Variants in NCAPD2 observed in about 807,000 individuals in gnomAD.
NCAPD2 encodes the protein non-SMC condensin I complex subunit D2.
Under a neutral mutation model 164.5 loss-of-function variants are expected in NCAPD2, and 100 were observed. The observed-to-expected ratio is 0.61, with a 90% CI of 0.52 to 0.72. The LOEUF (loss-of-function observed/expected upper bound fraction) is 0.72. NCAPD2 is among the 30% of genes least tolerant of loss of function. The pLI, the probability that NCAPD2 is intolerant of heterozygous loss-of-function variation, is 0.00. For missense variants in NCAPD2, 1,560 were observed against 1,749.2 expected, an observed-to-expected ratio of 0.89 and a Z score of 1.93; for synonymous variants, 585 against 642.6, an observed-to-expected ratio of 0.91 and a Z score of 1.36.
intron 22 of NCAPD2, among the ~76,000 whole-genome samples, chr12:6,527,462 C>T (rs1288096210): frequency 1.3e-5 from 2 of 152,204 alleles, no homozygotes; most frequent in Non-Finnish European, 2.9e-5. Context: ...AGCCTTGCAG[C>T]GCTGGAGAAA....
At chr12:6,530,001 T>G in intron 29 of NCAPD2, 43 bp downstream of exon 29, 1 of 1,578,120 alleles carries the variant, frequency 6.3e-7, no homozygotes, top group Non-Finnish European at 8.6e-7. Flanking sequence ...GGTTCTGGGC[T>G]GGCTAAGACA....
intron 6 of NCAPD2, among the ~76,000 whole-genome samples, chr12:6,513,129 T>G (rs1441589634): frequency 6.6e-6 from 1 of 152,164 alleles, no homozygotes; most frequent in Non-Finnish European, 1.5e-5. Context: ...GAGCTAGAGA[T>G]AACACATTTG....
intron 6 of NCAPD2, among the ~76,000 whole-genome samples, chr12:6,512,128 C>T (rs1319922411): frequency 1.3e-5 from 2 of 151,432 alleles, no homozygotes; most frequent in South Asian, 2.1e-4. Flanking sequence ...AAAAATTAGC[C>T]GGGCATGGTG....
At chr12:6,521,181 C>A in intron 14 of NCAPD2, 71 bp downstream of exon 14, 1 of 1,551,032 alleles carries the variant, frequency 6.4e-7, no homozygotes, top group Non-Finnish European at 8.8e-7. Flanking sequence ...TAACTTTATG[C>A]CATCATTGGC....
chr12:6,501,356 T>G (rs1282082448), intron 2 of NCAPD2, among the ~76,000 whole-genome samples: 1 of 151,598 alleles, frequency 6.6e-6, no homozygotes, highest in African/African-American at 2.4e-5. Flanking sequence ...CCTGGCTAAT[T>G]TTTGTATTTT....
chr12:6,510,671 A>T lies in NCAPD2; in HGVS notation c.305A>T (p.Asp102Val). 1 of 1,614,198 alleles carries T rather than the reference A, an allele frequency of 6.2e-7. No homozygotes were observed. Among genetic ancestry groups the T allele is most frequent in the Non-Finnish European group, 8.5e-7 (1 of 1,180,028 alleles). Residue 102 changes from aspartate (D) to valine (V), a missense_variant, in exon 5 of 32, where the codon GAT (aspartate) becomes GTT (valine). Coordinates refer to ENST00000315579, the MANE Select transcript of NCAPD2 (RefSeq NM_014865.4). Reference sequence around the variant, plus strand: ...CAGGAGCTTCCAGCTATCCTGGATGATACAACTTTGAGTGGATCAGATAGA... The same window carrying T: ...CAGGAGCTTCCAGCTATCCTGGATGTTACAACTTTGAGTGGATCAGATAGA... ...HSQELPAILD[D>V]TTLSGSDRNA... is the part of the protein sequence containing the mutation.
chr12:6,512,145 G>C (rs1294972199), intron 6 of NCAPD2, among the ~76,000 whole-genome samples: 1 of 151,746 alleles, frequency 6.6e-6, no homozygotes, highest in Non-Finnish European at 1.5e-5. Context: ...GGTGGCGGGC[G>C]CCTCTAGTCC....
In NCAPD2 at chr12:6,517,978, T is replaced by C; in HGVS notation, c.1589+19T>C. The C allele has an allele frequency of 1.2e-6, 2 of 1,608,986 alleles. No homozygotes were observed. On this transcript the variant is annotated intron_variant, in intron 13 of 31. Transcript: ENST00000315579. ...GTTACAAGTAGGCAAAAGAATGGGA[T>C]ATTCTTCGTGATCTGTTTATGTTTA...
chr12:6,515,335 C>T (rs1219569925), intron 9 of NCAPD2, among the ~76,000 whole-genome samples: 3 of 152,100 alleles, frequency 2.0e-5, no homozygotes, highest in Non-Finnish European at 4.4e-5. Context: ...CAGGCACATA[C>T]TACCATGCCT....
At chr12:6,512,173 G>A (rs1946155569) in intron 6 of NCAPD2, among the ~76,000 whole-genome samples, 1 of 151,358 alleles carries the variant, frequency 6.6e-6, no homozygotes, top group Non-Finnish European at 1.5e-5. Context: ...TCAGGAGGCT[G>A]AGGCAGGAGA....
intron 2 of NCAPD2, among the ~76,000 whole-genome samples, chr12:6,496,875 A>C (rs1264877075): frequency 6.6e-6 from 1 of 152,214 alleles, no homozygotes; most frequent in Non-Finnish European, 1.5e-5. Context: ...AAACTAAAAC[A>C]CCTACACACA....
intron 8 of NCAPD2, 67 bp from the exon 9 acceptor site, chr12:6,514,705 TA>T: frequency 1.2e-6 from 2 of 1,607,422 alleles, no homozygotes; most frequent in Non-Finnish European, 1.7e-6. Flanking sequence ...ATACCTGTCT[TA>T]CCTTCCCTTA....
Position 6,521,839 on chromosome 12 carries a change from A to G in NCAPD2, c.1756A>G (p.Thr586Ala). 1.2e-6 allele frequency: 2 copies of G among 1,614,162 alleles called. No individual in the cohort carries two copies. The highest frequency in any genetic ancestry group is 8.5e-7 in the Non-Finnish European group (1 of 1,179,984). ...ACAAGAAAAGAATCCCCGGGAGTCTACAGGAAACATGGTCACAGGACAGAC... is the reference window on the plus strand; with the variant it reads ...ACAAGAAAAGAATCCCCGGGAGTCTGCAGGAAACATGGTCACAGGACAGAC... ...STQEKNPRES[T>A]GNMVTGQTVC... is the part of the protein sequence containing the mutation. The change falls in exon 15 of 32, where the codon ACA becomes GCA. Residue 586 changes from threonine (T) to alanine (A), a missense_variant. Thr to Ala is a moderately conservative substitution (Grantham distance 58). Transcript: ENST00000315579.
chr12:6,512,007 C>T (rs1390913944), intron 6 of NCAPD2, among the ~76,000 whole-genome samples: 8 of 143,364 alleles, frequency 5.6e-5, no homozygotes, highest in East Asian at 4.4e-4. Context: ...TAGGGCCAGG[C>T]GCGGTGGCTC....
At chr12:6,506,687 A>T (rs1202969326) in intron 2 of NCAPD2, among the ~76,000 whole-genome samples, 1 of 151,438 alleles carries the variant, frequency 6.6e-6, no homozygotes, top group African/African-American at 2.4e-5. Context: ...ATGTAGCTTT[A>T]AAAAAAAATT....
At chr12:6,499,230 A>G (rs1297020956) in intron 2 of NCAPD2, among the ~76,000 whole-genome samples, 1 of 151,692 alleles carries the variant, frequency 6.6e-6, no homozygotes, top group East Asian at 1.9e-4. Flanking sequence ...TATTTTTTTA[A>G]GATAAGGGTC....
At chr12:6,524,757 CTG>C (rs911894801) in intron 17 of NCAPD2, among the ~76,000 whole-genome samples, 1 of 151,552 alleles carries the variant, frequency 6.6e-6, no homozygotes, top group African/African-American at 2.4e-5. Context: ...AGGACTTTAA[CTG>C]TGTTAGCCAG....
chr12:6,529,656 TC>T, intron 28 of NCAPD2, 63 bp downstream of exon 28: 2 of 1,603,228 alleles, frequency 1.2e-6, no homozygotes, highest in Non-Finnish European at 1.7e-6. Context: ...GAAAGGCCCA[TC>T]CCTCACCCCT....
chr12:6,527,561 T>G (rs1361582114), intron 22 of NCAPD2, among the ~76,000 whole-genome samples: 1 of 152,216 alleles, frequency 6.6e-6, no homozygotes, highest in Non-Finnish European at 1.5e-5. Context: ...GAGGAAGAGG[T>G]GCAGAAACAC....
Sources: gnomAD v4.1 joint callset for allele counts (sites outside exome capture counted in the v4.1 genomes callset) on GRCh38, gnomAD v4.1.1 for gene constraint, MANE v1.5 for transcripts, NCBI Gene and HGNC (gene_info 2026-07-23, HGNC 2026-07-21) for gene names.